The following NUP98 variants were observed in gnomAD, a reference collection of about 807,000 sequenced individuals.
NUP98 encodes nuclear pore complex protein Nup98-Nup96.
A neutral mutation model predicts 191.9 loss-of-function variants in NUP98; 26 were observed. The ratio of observed to expected loss-of-function variants is 0.14; its 90% CI spans 0.10 to 0.19. The LOEUF is 0.19. Ranked by LOEUF, NUP98 falls within the 10% of genes least tolerant of loss-of-function variation. The pLI, the probability that NUP98 is intolerant of heterozygous loss-of-function variation, is 1.00. For synonymous variants in NUP98, 808 were observed against 778.4 expected, an observed-to-expected ratio of 1.04 and a Z score of -0.63; for missense variants, 1,941 against 2,178.8, an observed-to-expected ratio of 0.89 and a Z score of 2.17.
At chr11:3,717,570 GT>G (rs956004518) in intron 18 of NUP98, among the ~76,000 whole-genome samples, 40 of 152,244 alleles carry the variant, frequency 2.6e-4, no homozygotes, top group Non-Finnish European at 5.3e-4. Flanking sequence ...TAACTAGTAA[GT>G]TTTTTTGTGT....
intron 15 of NUP98, among the ~76,000 whole-genome samples, chr11:3,724,125 A>G (rs1196352505): frequency 2.0e-5 from 3 of 152,078 alleles, no homozygotes; most frequent in African/African-American, 7.2e-5. Context: ...ATATAATAAA[A>G]TATATTTATA....
intron 12 of NUP98, among the ~76,000 whole-genome samples, chr11:3,739,405 C>T (rs1041444969): frequency 5.9e-5 from 9 of 152,194 alleles, no homozygotes; most frequent in East Asian, 1.9e-4. Flanking sequence ...CCTGCCGCCA[C>T]GCCCGGCTAA....
At chr11:3,685,888 TA>T in intron 29 of NUP98, 84 bp downstream of exon 29, 1 of 1,067,908 alleles carries the variant, frequency 9.4e-7, no homozygotes, top group Non-Finnish European at 1.4e-6. Flanking sequence ...AATTACTTGC[TA>T]AACTGAACCC....
At position 3,794,058 on chromosome 11, in the gene NUP98, C is replaced by T. The variant is rs570829395; in HGVS notation, c.-29+3342G>A. 8.5e-5 allele frequency among the ~76,000 whole-genome samples: 13 copies of T among 152,320 alleles called. No individual in the cohort carries two copies. The South Asian group carries it at 2.5e-3, about 29-fold the overall frequency. On this transcript the variant is annotated intron_variant, in intron 1 of 32. Transcript: ENST00000324932. The stretch of plus-strand genomic sequence containing the variant: ...GGGCAATTCTGACAATTTCTTCAGA[C>T]ATTCCTGATCGTTACAACCTGCAGA...
At position 3,676,322 on chromosome 11, in the gene NUP98, G is replaced by A. The variant is rs923622110; in HGVS notation, c.5240C>T (p.Pro1747Leu). 6.2e-7 allele frequency: 1 copy of A among 1,614,106 alleles called. No homozygotes were observed. Among genetic ancestry groups the A allele is most frequent in the Non-Finnish European group, 8.5e-7 (1 of 1,179,972 alleles). Residue 1747 changes from proline (P) to leucine (L), a missense_variant, in exon 33 of 33, where the codon CCT (proline) becomes CTT (leucine). This residue lies in a region of NUP98 where 1,030 missense variants were observed against 1,115.8 expected (regional missense o/e 0.92). Coordinates refer to ENST00000324932, the MANE Select transcript of NUP98 (RefSeq NM_016320.5). ...LLRVVLSLHHPPDRTSDSTPD... is the reference protein window; with the variant it reads ...LLRVVLSLHHLPDRTSDSTPD... ...TGTTGAGTCGGAGGTTCTATCAGGA[G>A]GATGATGCAGACTCAGCACCACGCG...
Position 3,762,963 on chromosome 11 carries a change from G to A in NUP98, c.1025C>T (p.Ala342Val). ...GTATNTSTGT[A>V]FGTGTGLFGQ... ...AAAGAGACCTGTTCCTGTTCCAAAT[G>A]CTGTCCCAGTGCTGGTGTTTGTAGC... The change falls in exon 9 of 33, where the codon GCA (alanine) becomes GTA (valine). Residue 342 changes from alanine (A) to valine (V), a missense_variant. Ala to Val is a moderately conservative substitution (Grantham distance 64). Coordinates refer to ENST00000324932, the MANE Select transcript of NUP98 (RefSeq NM_016320.5). The A allele has an allele frequency of 6.2e-7, 1 of 1,614,112 alleles. No homozygotes were observed. Among genetic ancestry groups the A allele is most frequent in the Non-Finnish European group, 8.5e-7 (1 of 1,180,024 alleles).
chr11:3,706,563 A>G lies in NUP98; in HGVS notation c.2807T>C (p.Ile936Thr), dbSNP rs751430785. Reference protein sequence around the residue: ...VVELDSDMVDITQEPVLDTML... With the variant: ...VVELDSDMVDTTQEPVLDTML... ...GGTATCCAAAACTGGCTCCTGGGTG[A>G]TATCTACCATGTCACTGTCCAGTTC... Residue 936 changes from isoleucine to threonine, a missense_variant, in exon 21 of 33, where the codon ATC becomes ACC. Around this residue, in one of 6 missense-constraint regions of NUP98, gnomAD observed 1,030 missense variants for 1,115.8 expected, o/e 0.92. Transcript: ENST00000324932. The G allele has an allele frequency of 4.3e-6, 7 of 1,614,134 alleles. No individual in the cohort carries two copies. The South Asian group carries it at 6.6e-5, about 15-fold the overall frequency.
At chr11:3,774,622 G>C (rs2081646661) in intron 5 of NUP98, among the ~76,000 whole-genome samples, 1 of 152,032 alleles carries the variant, frequency 6.6e-6, no homozygotes. Flanking sequence ...GGAGGCTGAG[G>C]CAGCAGAATC....
At chr11:3,722,006 A>T (rs1330831771) in intron 16 of NUP98, among the ~76,000 whole-genome samples, 1 of 152,202 alleles carries the variant, frequency 6.6e-6, no homozygotes, top group Non-Finnish European at 1.5e-5. Context: ...AGGTAAATGA[A>T]AAAACTAGAA....
chr11:3,720,973 TGA>T (rs1554891492), intron 16 of NUP98, 148 bp from the exon 17 acceptor site: 5 of 517,390 alleles, frequency 9.7e-6, no homozygotes, highest in African/African-American at 7.7e-5. Flanking sequence ...AAGGGGTGTG[TGA>T]GTGTGTGTGT....
At chr11:3,769,841 A>T (rs1055396888) in intron 7 of NUP98, among the ~76,000 whole-genome samples, 4 of 151,600 alleles carry the variant, frequency 2.6e-5, no homozygotes, top group Non-Finnish European at 5.9e-5. Flanking sequence ...TCTGGAGTTC[A>T]GATCAGCCTG....
chr11:3,771,772 G>A lies in NUP98; in HGVS notation c.760C>T (p.Gln254Ter). 1 of 1,614,080 alleles carries A rather than the reference G, an allele frequency of 6.2e-7. No individual in the cohort carries two copies. Among genetic ancestry groups the A allele is most frequent in the Non-Finnish European group, 8.5e-7 (1 of 1,180,008 alleles). Residue 254 changes from glutamine (Q) to a stop codon, truncating the protein, a stop_gained, in exon 7 of 33, where the codon CAG (glutamine) becomes TAG (stop). Transcript: ENST00000324932. LOFTEE classifies it high-confidence loss of function. ...STTNSGFAYG[Q>*]NKTAFGTSTT... ...CTAGTTCCAAAGGCAGTTTTGTTCT[G>A]ACCATATGCAAAGCCTGAATTAGTG...
chr11:3,720,629 TTC>T, intron 17 of NUP98, 81 bp downstream of exon 17: 2 of 673,430 alleles, frequency 3.0e-6, no homozygotes, highest in East Asian at 5.6e-5. Context: ...AAAATGAAGA[TTC>T]AGCTATCAAA....
At chr11:3,693,436 A>T (rs988818436) in intron 26 of NUP98, 61 bp from the exon 27 acceptor site, 48 of 1,523,678 alleles carry the variant, frequency 3.2e-5, no homozygotes, top group Non-Finnish European at 4.2e-5. Flanking sequence ...TGTGTGTGCA[A>T]TAACACTGAA....
chr11:3,756,764 C>A (rs922077819), intron 10 of NUP98, among the ~76,000 whole-genome samples: 2 of 151,976 alleles, frequency 1.3e-5, no homozygotes, highest in African/African-American at 4.8e-5. Context: ...TCTTAATATA[C>A]ATCACATATA....
At chr11:3,777,866 A>T (rs1034831443) in intron 4 of NUP98, among the ~76,000 whole-genome samples, 1 of 152,026 alleles carries the variant, frequency 6.6e-6, no homozygotes. Flanking sequence ...GTTATGGCTA[A>T]ATATTTCAAT....
At chr11:3,752,518 A>AAAATAAATAAAT (rs3061901) in intron 11 of NUP98, among the ~76,000 whole-genome samples, 15 of 147,562 alleles carry the variant, frequency 1.0e-4, no homozygotes, top group South Asian at 4.3e-4. Flanking sequence ...CTCCATCTCC[A>AAAATAAATAAAT]AAATAAATAA....
intron 11 of NUP98, among the ~76,000 whole-genome samples, chr11:3,751,572 T>C (rs1184888190): frequency 1.3e-5 from 2 of 152,154 alleles, no homozygotes; most frequent in Non-Finnish European, 2.9e-5. Context: ...ACATCTTTTA[T>C]CTTAAGCAGA....
At chr11:3,744,986 G>A (rs1012250258) in intron 11 of NUP98, among the ~76,000 whole-genome samples, 2 of 152,172 alleles carry the variant, frequency 1.3e-5, no homozygotes. Context: ...TCATCAAAAT[G>A]TCTGGTGTAG....
Sources: allele counts gnomAD v4.1 joint callset (sites outside exome capture counted in the v4.1 genomes callset), GRCh38; gene constraint gnomAD v4.1.1; regional missense constraint gnomAD v4.1.1; transcripts MANE v1.5; gene names NCBI Gene and HGNC (gene_info 2026-07-23, HGNC 2026-07-21).